SLC4A7: variants seen among roughly 807,000 people sequenced by gnomAD.
SLC4A7 encodes solute carrier family 4 member 7, also known as sodium bicarbonate cotransporter 3.
Under a neutral mutation model 137.6 loss-of-function variants are expected in SLC4A7, and 51 were observed. The observed-to-expected ratio is 0.37, with a 90% CI of 0.30 to 0.47. SLC4A7 has a LOEUF of 0.47. Ranked by LOEUF, SLC4A7 falls within the 20% of genes least tolerant of loss-of-function variation. SLC4A7 has a pLI of 1.00. For missense variants in SLC4A7, 1,247 were observed against 1,525.4 expected, an observed-to-expected ratio of 0.82 and a Z score of 3.04; for synonymous variants, 542 against 518.6, an observed-to-expected ratio of 1.05 and a Z score of -0.61.
intron 1 of SLC4A7, among the ~76,000 whole-genome samples, chr3:27,458,951 C>T (rs1008443899): frequency 5.9e-5 from 9 of 152,034 alleles, no homozygotes; most frequent in East Asian, 3.9e-4. Context: ...GATCATGCCA[C>T]GGCACTGCAC....
rs2051059723 is a variant in SLC4A7, at chr3:27,387,228, AATTATC to A, written c.3361-1211_3361-1206del. ...CTAGCCAGGAATCCTTCTTAGTTAT[AATTATC>A]ATTATCTTGTTATTCTCTAGTAGTT... On this transcript the variant is annotated intron_variant, in intron 22 of 25. Coordinates refer to ENST00000454389, the MANE Select transcript of SLC4A7 (RefSeq NM_001321103.2). 1.2e-4 allele frequency among the ~76,000 whole-genome samples: 19 copies of A among 152,302 alleles called. No individual in the cohort carries two copies. The South Asian group carries it at 3.7e-3, about 30-fold the overall frequency.
At chr3:27,386,798 G>A (rs2051002230) in intron 22 of SLC4A7, among the ~76,000 whole-genome samples, 1 of 152,006 alleles carries the variant, frequency 6.6e-6, no homozygotes, top group African/African-American at 2.4e-5. Context: ...CCAATCAATG[G>A]ATTATACAAT....
intron 3 of SLC4A7, among the ~76,000 whole-genome samples, chr3:27,439,550 A>G (rs60605842): frequency 0.3 from 45,424 of 152,030 alleles, 8,501 homozygotes; most frequent in East Asian, 0.77. Flanking sequence ...CTCATTACTC[A>G]TTGCAACTAT....
In SLC4A7 at chr3:27,409,529, G is replaced by C. The variant is rs1462959196; in HGVS notation, c.1768C>G (p.Leu590Val). ...ATGTCAAGTATCAAACCACCAAAAA[G>C]CCTAAATAGGTGAGATGAAACTCGT... ...AGPELQRTGRLFGGLILDIKR... is the reference protein window; with the variant it reads ...AGPELQRTGRVFGGLILDIKR... Residue 590 changes from leucine to valine, a missense_variant and splice_region_variant, in exon 13 of 26, where the codon CTT (leucine) becomes GTT (valine). Leu to Val is a conservative substitution (Grantham distance 32, BLOSUM62 1). This residue lies in a region of SLC4A7 where 499 missense variants were observed against 664.2 expected (regional missense o/e 0.75). Transcript: ENST00000454389. The C allele has an allele frequency of 1.2e-6, 2 of 1,610,236 alleles. No individual in the cohort carries two copies. The highest frequency in any genetic ancestry group is 2.2e-5 in the South Asian group (2 of 90,606).
rs371505881 is a variant in SLC4A7, at chr3:27,436,556, C to T, written c.429-8G>A. On this transcript the variant is annotated splice_polypyrimidine_tract_variant and splice_region_variant and intron_variant, in intron 4 of 25. Transcript: ENST00000454389. ...TCTTCAAATTTCAGCCATCTGAATG[C>T]ATAATGTATAAAAATATTTTATAAG... 5.4e-5 allele frequency: 85 copies of T among 1,564,706 alleles called. No individual in the cohort carries two copies. Among genetic ancestry groups the T allele is most frequent in the Non-Finnish European group, 6.5e-5 (74 of 1,144,346 alleles).
intron 19 of SLC4A7, 75 bp downstream of exon 19, chr3:27,394,879 T>C: frequency 1.3e-6 from 2 of 1,535,610 alleles, no homozygotes; most frequent in East Asian, 2.3e-5. Context: ...TTACATCTTT[T>C]AATGTTCTAA....
At position 27,395,003 on chromosome 3, in the gene SLC4A7, T is replaced by A; in HGVS notation, c.2816A>T (p.Asp939Val). 6.2e-7 allele frequency: 1 copy of A among 1,606,430 alleles called. No homozygotes were observed. Among genetic ancestry groups the A allele is most frequent in the East Asian group, 2.2e-5 (1 of 44,866 alleles). The change falls in exon 19 of 26, where the codon GAT (aspartate) becomes GTT (valine). Residue 939 changes from aspartate to valine, a missense_variant. Asp to Val is a radical substitution (Grantham distance 152, BLOSUM62 -3). This residue lies in a region of SLC4A7 where 48 missense variants were observed against 97.2 expected (regional missense o/e 0.49). Transcript: ENST00000454389. ...TATAATTACAGCTGTGATTTGTTGATCCATAAAGATGAGAATGGTACAAAG... is the reference window on the plus strand; with the variant it reads ...TATAATTACAGCTGTGATTTGTTGAACCATAAAGATGAGAATGGTACAAAG... ...ALLCTILIFMDQQITAVIINR... is the reference protein window; with the variant it reads ...ALLCTILIFMVQQITAVIINR...
intron 25 of SLC4A7, among the ~76,000 whole-genome samples, chr3:27,378,816 T>C (rs1436281286): frequency 6.6e-6 from 1 of 152,258 alleles, no homozygotes; most frequent in Admixed American, 6.5e-5. Context: ...CCCTAATAGT[T>C]ATCTAATCTT....
Position 27,391,790 on chromosome 3 carries a change from G to T in SLC4A7, c.3136C>A (p.Leu1046Met). 1 of 1,595,346 alleles carries T rather than the reference G, an allele frequency of 6.3e-7. No homozygotes were observed. The highest frequency in any genetic ancestry group is 8.6e-7 in the Non-Finnish European group (1 of 1,167,060). The change falls in exon 21 of 26, where the codon CTG becomes ATG. Residue 1046 changes from leucine to methionine, a missense_variant. Physicochemically the swap from Leu to Met is conservative, Grantham distance 15. Coordinates refer to ENST00000454389, the MANE Select transcript of SLC4A7 (RefSeq NM_001321103.2). ...CCCATATAAAGGAAAACACCATACA[G>T]AACAGGCATTGGAATAAACTGTAAA... Reference protein sequence around the residue: ...SVLKFIPMPVLYGVFLYMGVS... With the variant: ...SVLKFIPMPVMYGVFLYMGVS...
chr3:27,458,368 A>G (rs2058518847), intron 1 of SLC4A7, among the ~76,000 whole-genome samples: 1 of 152,216 alleles, frequency 6.6e-6, no homozygotes, highest in African/African-American at 2.4e-5. Flanking sequence ...TGCACTAAAT[A>G]AGTAGCAAAA....
At chr3:27,475,806 G>A (rs1320222654) in intron 1 of SLC4A7, among the ~76,000 whole-genome samples, 1 of 152,018 alleles carries the variant, frequency 6.6e-6, no homozygotes, top group Non-Finnish European at 1.5e-5. Context: ...CAAAAATAAA[G>A]ACAAAATATT....
rs1559674487 is a variant in SLC4A7, at chr3:27,403,225, G to C, written c.2235C>G (p.Ile745Met). ...CAAAGAGCTTCTCCAAAGCCTCGTA[G>C]ATGAATATGATGCAAATAAGGGCTG... ...AFAALICIIF[I>M]YEALEKLFDL... Residue 745 changes from isoleucine to methionine, a missense_variant, in exon 15 of 26, where the codon ATC becomes ATG. Ile to Met is a conservative substitution (Grantham distance 10). Around this residue, in one of 6 missense-constraint regions of SLC4A7, gnomAD observed 499 missense variants for 664.2 expected, o/e 0.75. Coordinates refer to ENST00000454389, the MANE Select transcript of SLC4A7 (RefSeq NM_001321103.2). The C allele has an allele frequency of 2.5e-6, 4 of 1,613,816 alleles. No homozygotes were observed. Among genetic ancestry groups the C allele is most frequent in the Non-Finnish European group, 3.4e-6 (4 of 1,179,924 alleles).
chr3:27,437,536 A>T lies in SLC4A7; in HGVS notation c.290-10T>A. Reference sequence around the variant, plus strand: ...CTCTGGGATGGTGTATCTTTACAAAATAAGAATTTACATATACTCAAATTT... The same window carrying T: ...CTCTGGGATGGTGTATCTTTACAAATTAAGAATTTACATATACTCAAATTT... On this transcript the variant is annotated splice_polypyrimidine_tract_variant and intron_variant, in intron 3 of 25. Transcript: ENST00000454389. 1 of 1,517,374 alleles carries T rather than the reference A, an allele frequency of 6.6e-7. No homozygotes were observed. The highest frequency in any genetic ancestry group is 1.3e-5 in the South Asian group (1 of 75,536). The allele number at this position is 1,517,374 out of a possible 1,614,324, so 94.0% of individuals were successfully genotyped here.
chr3:27,418,024 TAA>T (rs2054562668), intron 11 of SLC4A7, among the ~76,000 whole-genome samples: 1 of 152,042 alleles, frequency 6.6e-6, no homozygotes, highest in Admixed American at 6.6e-5. Flanking sequence ...TGCAAAAGAC[TAA>T]AATGACATGT....
chr3:27,476,912 G>C (rs553728404), intron 1 of SLC4A7, among the ~76,000 whole-genome samples: 3 of 152,098 alleles, frequency 2.0e-5, no homozygotes, highest in Non-Finnish European at 4.4e-5. Context: ...TTTGTTCAAT[G>C]TGTAAAACCC....
chr3:27,377,849 G>T (rs1263566217), intron 25 of SLC4A7, among the ~76,000 whole-genome samples: 1 of 152,140 alleles, frequency 6.6e-6, no homozygotes, highest in Non-Finnish European at 1.5e-5. Flanking sequence ...ACAAACTGAA[G>T]AATAGACCCC....
At chr3:27,379,525 C>T (rs190152029) in intron 24 of SLC4A7, among the ~76,000 whole-genome samples, 169 bp from the exon 25 acceptor site, 19 of 152,192 alleles carry the variant, frequency 1.2e-4, no homozygotes, top group Admixed American at 6.5e-4. Flanking sequence ...TCTTTCTAAT[C>T]GAAACTAGGA....
At chr3:27,457,036 G>T in intron 1 of SLC4A7, 2 of 560,488 alleles carry the variant, frequency 3.6e-6, no homozygotes, top group Non-Finnish European at 4.5e-6. Flanking sequence ...ATGTGTGAGA[G>T]TATGGTTTAT....
At position 27,388,582 on chromosome 3, in the gene SLC4A7, T is replaced by A. The variant is rs928555309; in HGVS notation, c.3360+1349A>T. Among the ~76,000 whole-genome samples the A allele has an allele frequency of 4.6e-5, 7 of 152,314 alleles. No individual in the cohort carries two copies. The East Asian group carries it at 1.2e-3, about 25-fold the overall frequency. ...CAATTTTGGAAATTTAGATATAGTATGAAAATAATCCATTTGTTCCAGGTC... is the reference window on the plus strand; with the variant it reads ...CAATTTTGGAAATTTAGATATAGTAAGAAAATAATCCATTTGTTCCAGGTC... On this transcript the variant is annotated intron_variant, in intron 22 of 25. Coordinates refer to ENST00000454389, the MANE Select transcript of SLC4A7 (RefSeq NM_001321103.2).
Sources: gnomAD v4.1 joint callset for allele counts (sites outside exome capture counted in the v4.1 genomes callset) on GRCh38, gnomAD v4.1.1 for gene constraint, gnomAD v4.1.1 regional missense constraint, MANE v1.5 for transcripts, NCBI Gene and HGNC (gene_info 2026-07-23, HGNC 2026-07-21) for gene names.